IFRD1: variants seen among roughly 807,000 people sequenced by gnomAD.
IFRD1 encodes interferon-related developmental regulator 1.
In IFRD1, 35 loss-of-function variants were observed where a neutral mutation model predicts 52.9. The observed-to-expected ratio is 0.66, with a 90% CI of 0.51 to 0.88. IFRD1 has a LOEUF of 0.88. Among genes scored for constraint, IFRD1 ranks in the 40% least tolerant of loss-of-function variants. The probability of loss-of-function intolerance (pLI) is 0.00; values close to 1 mark genes in which losing one functional copy is unlikely to be tolerated. For missense variants in IFRD1, 517 were observed against 550.8 expected (o/e 0.94, Z 0.61); for synonymous variants, 184 against 188.4 (o/e 0.98, Z 0.19).
upstream of IFRD1, among the ~76,000 whole-genome samples, chr7:112,447,288 A>C (rs111385905): frequency 0.019 from 2,938 of 152,310 alleles, 101 homozygotes; most frequent in African/African-American, 0.068. Context: ...TGTTTTGTAA[A>C]AGAAGAATAT....
At chr7:112,453,654 G>T (rs1000960456) in intron 1 of IFRD1, among the ~76,000 whole-genome samples, 2 of 152,146 alleles carry the variant, frequency 1.3e-5, no homozygotes, top group East Asian at 3.8e-4. Flanking sequence ...TAAAAACGAG[G>T]AAGATAGATC....
chr7:112,472,581 T>A (rs2117336690), intron 10 of IFRD1, among the ~76,000 whole-genome samples, 185 bp from the exon 11 acceptor site: 1 of 152,352 alleles, frequency 6.6e-6, no homozygotes, highest in South Asian at 2.1e-4. Context: ...AGCAAATAGC[T>A]TGACATAGCT....
At chr7:112,464,654 A>C (rs1445565919) in intron 8 of IFRD1, among the ~76,000 whole-genome samples, 1 of 152,226 alleles carries the variant, frequency 6.6e-6, no homozygotes, top group East Asian at 1.9e-4. Context: ...GTAGTCTACT[A>C]GTGGCCTTTT....
chr7:112,463,882 ACACACACACACACCC>A, intron 8 of IFRD1, among the ~76,000 whole-genome samples: 1 of 50,318 alleles, frequency 2.0e-5, no homozygotes, highest in African/African-American at 1.0e-4. Context: ...ACACACACAC[ACACACACACACACCC>A]CACGTATCTT....
intron 1 of IFRD1, among the ~76,000 whole-genome samples, chr7:112,438,221 T>C (rs1794761447): frequency 6.6e-6 from 1 of 152,198 alleles, no homozygotes; most frequent in Non-Finnish European, 1.5e-5. Flanking sequence ...AAATCATTAC[T>C]ACTGATTTCA....
At chr7:112,452,176 G>A (rs969996256) in intron 1 of IFRD1, 22 of 917,998 alleles carry the variant, frequency 2.4e-5, no homozygotes, top group Non-Finnish European at 2.9e-5. Flanking sequence ...TTTGTTAAGG[G>A]AAAGAGGGAG....
In IFRD1 at chr7:112,472,860, G is replaced by A. The variant is rs1795790091; in HGVS notation, c.1265G>A (p.Arg422Lys). ...LKTMKISRFE[R>K]HLYNSAAFKA... Reference sequence around the variant, plus strand: ...ACGATGAAGATTTCTCGTTTCGAAAGGGTAGGTTTTGTTTTTATTTTTAAT... The same window carrying A: ...ACGATGAAGATTTCTCGTTTCGAAAAGGTAGGTTTTGTTTTTATTTTTAAT... The change falls in exon 11 of 12, where the codon AGG becomes AAG. Residue 422 changes from arginine (R) to lysine (K), a missense_variant and splice_region_variant. By Grantham distance (26) the Arg-to-Lys change is conservative. Transcript: ENST00000403825. 4.4e-6 allele frequency: 7 copies of A among 1,608,336 alleles called. No individual in the cohort carries two copies. The highest frequency in any genetic ancestry group is 6.0e-6 in the Non-Finnish European group (7 of 1,174,858).
chr7:112,475,380 A>G (rs1795874174), intron 11 of IFRD1, 50 bp from the exon 12 acceptor site: 1 of 1,031,452 alleles, frequency 9.7e-7, no homozygotes, highest in Non-Finnish European at 1.5e-6. Flanking sequence ...CTGTTTTGTA[A>G]GAATATCTTA....
Position 112,450,624 on chromosome 7 carries a change from A to G in IFRD1, c.-65A>G. 1 of 1,323,394 alleles carries G rather than the reference A, an allele frequency of 7.6e-7. No homozygotes were observed. Among genetic ancestry groups the G allele is most frequent in the Non-Finnish European group, 1.1e-6 (1 of 917,400 alleles). The allele number at this position is 1,323,394 out of a possible 1,614,324, so 82.0% of individuals were successfully genotyped here. Reference sequence around the variant, plus strand: ...GCCCGCCGCACAGACGCACGAGTAAAAAGTGCAGCTCCATCGGCTGATCCT... The same window carrying G: ...GCCCGCCGCACAGACGCACGAGTAAGAAGTGCAGCTCCATCGGCTGATCCT... On this transcript the variant is annotated 5_prime_UTR_variant, in exon 1 of 12. Coordinates refer to ENST00000403825, the MANE Select transcript of IFRD1 (RefSeq NM_001550.4).
intron 1 of IFRD1, among the ~76,000 whole-genome samples, chr7:112,443,569 CA>C (rs1025952737): frequency 1.4e-5 from 2 of 146,944 alleles, no homozygotes; most frequent in East Asian, 2.1e-4. Flanking sequence ...AGACCCATCT[CA>C]AAAAAAGCCC....
At chr7:112,446,123 T>C (rs1240771458), upstream of IFRD1, 5 of 155,064 alleles carry the variant, frequency 3.2e-5, no homozygotes. Flanking sequence ...ATTCAGTAAA[T>C]GTGTTTTGTT....
In IFRD1 at chr7:112,430,974, TTTC is replaced by T. The variant is rs548079120; in HGVS notation, c.-182+7551_-182+7553del. Among the ~76,000 whole-genome samples, 14 of 152,328 alleles carry T rather than the reference TTTC, an allele frequency of 9.2e-5. No individual in the cohort carries two copies. The South Asian group carries it at 1.7e-3, about 18-fold the overall frequency. ...AAGGACCATTCCTTTGAGCTCCTCC[TTTC>T]TTCTTCTTTCTTGCCTCATCCTTCT... On this transcript the variant is annotated intron_variant, in intron 1 of 12. Coordinates refer to the IFRD1 transcript ENST00000005558.
intron 9 of IFRD1, among the ~76,000 whole-genome samples, chr7:112,469,394 AT>A (rs886612701): frequency 6.6e-6 from 1 of 152,170 alleles, no homozygotes; most frequent in African/African-American, 2.4e-5. Context: ...TTATAGTAGG[AT>A]TTTATATTTA....
Position 112,475,634 on chromosome 7 carries a change from G to A in IFRD1, c.*115G>A, listed in dbSNP as rs148530051. 1,512 of 684,056 alleles carry A rather than the reference G, an allele frequency of 2.2e-3. 28 individuals carry two copies. In the Admixed American group the frequency reaches 0.029, roughly 13 times the overall value. 42.4% of individuals were successfully genotyped at this position (684,056 alleles called of 1,614,324 possible). On this transcript the variant is annotated 3_prime_UTR_variant, in exon 12 of 12. Transcript: ENST00000403825. ...TAACTTAGATAACTTTTGTAGCAGT[G>A]GTTATATTGCTTATAATTTAATGTA... is the stretch of plus-strand genomic sequence containing the variant.
chr7:112,424,726 A>T (rs1285587568), intron 1 of IFRD1, among the ~76,000 whole-genome samples: 3 of 152,152 alleles, frequency 2.0e-5, no homozygotes, highest in East Asian at 1.9e-4. Context: ...GTTTCAAAAA[A>T]TTTTTTAATT....
chr7:112,471,971 A>T (rs1795760066), intron 9 of IFRD1, among the ~76,000 whole-genome samples: 1 of 152,168 alleles, frequency 6.6e-6, no homozygotes, highest in Non-Finnish European at 1.5e-5. Flanking sequence ...ATTCTCAACA[A>T]TGTGGTTTTT....
At chr7:112,462,472 A>G (rs1397501600) in intron 8 of IFRD1, 94 bp downstream of exon 8, 4 of 846,772 alleles carry the variant, frequency 4.7e-6, no homozygotes, top group Non-Finnish European at 8.0e-6. Context: ...TAACTTTGGA[A>G]CATGGCCAGC....
intron 1 of IFRD1, among the ~76,000 whole-genome samples, chr7:112,452,922 A>G (rs1795200549): frequency 6.6e-6 from 1 of 152,242 alleles, no homozygotes; most frequent in South Asian, 2.1e-4. Flanking sequence ...TGGTTACCTC[A>G]GAAGTGGAGC....
At chr7:112,455,021 T>C (rs2117290612) in intron 1 of IFRD1, among the ~76,000 whole-genome samples, 1 of 151,704 alleles carries the variant, frequency 6.6e-6, no homozygotes, top group South Asian at 2.1e-4. Flanking sequence ...CACGCACCAC[T>C]ACACCGGGCT....
Sources: allele counts gnomAD v4.1 joint callset (sites outside exome capture counted in the v4.1 genomes callset), GRCh38; gene constraint gnomAD v4.1.1; transcripts MANE v1.5; gene names NCBI Gene and HGNC (gene_info 2026-07-23, HGNC 2026-07-21).